The following SORCS1 variants were observed in gnomAD, a reference collection of about 807,000 sequenced individuals.
SORCS1 encodes sortilin related VPS10 domain containing receptor 1.
SORCS1 carries 60 observed loss-of-function variants against 146.1 expected under a neutral mutation model. The observed-to-expected ratio is 0.41, with a 90% CI of 0.33 to 0.51. SORCS1 has a LOEUF of 0.51. SORCS1 is among the 20% of genes least tolerant of loss of function. SORCS1 has a pLI of 0.21. For synonymous variants in SORCS1, 637 were observed against 584.0 expected (o/e 1.09, Z -1.31); for missense variants, 1,352 against 1,487.6 (o/e 0.91, Z 1.50).
chr10:106,948,500 C>T (rs1308060466), intron 2 of SORCS1, among the ~76,000 whole-genome samples: 1 of 151,714 alleles, frequency 6.6e-6, no homozygotes, highest in African/African-American at 2.4e-5. Flanking sequence ...AGGTGAGGCC[C>T]CATCTCTACA....
At chr10:106,593,458 T>C (rs1172240306) in intron 24 of SORCS1, among the ~76,000 whole-genome samples, 1 of 152,204 alleles carries the variant, frequency 6.6e-6, no homozygotes, top group African/African-American at 2.4e-5. Context: ...CCGCCAGCTC[T>C]AATGCGTTAT....
chr10:107,089,214 G>C (rs1371176828), intron 1 of SORCS1, among the ~76,000 whole-genome samples: 1 of 151,856 alleles, frequency 6.6e-6, no homozygotes, highest in African/African-American at 2.4e-5. Flanking sequence ...TGGCGTCTTT[G>C]TTAAGGCAAA....
At chr10:106,890,513 A>T (rs1334365827) in intron 2 of SORCS1, among the ~76,000 whole-genome samples, 1 of 152,230 alleles carries the variant, frequency 6.6e-6, no homozygotes, top group African/African-American at 2.4e-5. Context: ...GCTAGCGATG[A>T]GTATGTAAAA....
intron 1 of SORCS1, among the ~76,000 whole-genome samples, chr10:107,097,868 C>T (rs577963874): frequency 6.6e-6 from 1 of 152,268 alleles, no homozygotes; most frequent in African/African-American, 2.4e-5. Flanking sequence ...CATCTCTTTT[C>T]TGCCAGAATC....
chr10:106,630,077 A>C (rs1333697528), intron 18 of SORCS1, among the ~76,000 whole-genome samples: 3 of 151,772 alleles, frequency 2.0e-5, no homozygotes, highest in Admixed American at 6.6e-5. Context: ...AAAACCCAAA[A>C]ATTTTAGCCT....
chr10:106,728,397 G>A (rs1367781624), intron 6 of SORCS1, among the ~76,000 whole-genome samples: 3 of 152,284 alleles, frequency 2.0e-5, no homozygotes, highest in East Asian at 3.9e-4. Context: ...CCACCAGAGC[G>A]AGCCCCCTGA....
rs547931275 is a variant in SORCS1, at chr10:106,778,990, T to C, written c.727-2298A>G. The stretch of plus-strand genomic sequence containing the variant: ...TTTTGATACCCATTTATGCTCCACG[T>C]GATCAGACTGCATAAGACATCCTGT... On this transcript the variant is annotated intron_variant, in intron 3 of 25. Transcript: ENST00000263054. Among the ~76,000 whole-genome samples the C allele has an allele frequency of 1.4e-3, 211 of 152,208 alleles. 2 individuals are homozygous for C. Among genetic ancestry groups the C allele is most frequent in the Non-Finnish European group, 2.8e-3 (188 of 68,034 alleles).
At chr10:106,789,214 G>A (rs1449795605) in intron 3 of SORCS1, among the ~76,000 whole-genome samples, 1 of 152,106 alleles carries the variant, frequency 6.6e-6, no homozygotes, top group Non-Finnish European at 1.5e-5. Context: ...TCCCTCCTAT[G>A]CCTCCAAGTC....
At chr10:106,982,523 TA>T (rs1956281299) in intron 1 of SORCS1, among the ~76,000 whole-genome samples, 1 of 151,828 alleles carries the variant, frequency 6.6e-6, no homozygotes, top group Non-Finnish European at 1.5e-5. Context: ...TAAGGGGGAG[TA>T]GGGGGCACAT....
chr10:106,851,303 C>A (rs952383205), intron 2 of SORCS1, among the ~76,000 whole-genome samples: 2 of 152,156 alleles, frequency 1.3e-5, no homozygotes, highest in Non-Finnish European at 2.9e-5. Context: ...TCCTAGTTAT[C>A]TTCAGGAGTT....
At chr10:106,620,132 GT>G (rs1385550086) in intron 20 of SORCS1, 2 of 229,520 alleles carry the variant, frequency 8.7e-6, no homozygotes, top group African/African-American at 4.5e-5. Context: ...AGGAAATAGA[GT>G]TTAATTTCTC....
intron 20 of SORCS1, 21 bp from the exon 21 acceptor site, chr10:106,618,293 G>C: frequency 6.2e-7 from 1 of 1,612,268 alleles, no homozygotes; most frequent in South Asian, 1.1e-5. Context: ...CAAGGGCCCA[G>C]AGTGAAGGGA....
chr10:106,961,980 A>T (rs1242073337), intron 1 of SORCS1, among the ~76,000 whole-genome samples: 5 of 152,050 alleles, frequency 3.3e-5, no homozygotes, highest in African/African-American at 1.2e-4. Context: ...GAAGTCAAGA[A>T]CCCTCCCAAG....
At chr10:107,052,206 G>A (rs1187199494) in intron 1 of SORCS1, among the ~76,000 whole-genome samples, 1 of 152,092 alleles carries the variant, frequency 6.6e-6, no homozygotes, top group African/African-American at 2.4e-5. Context: ...AGGCCTGCTG[G>A]CTACTTACGA....
At chr10:107,062,548 C>T (rs1042288436) in intron 1 of SORCS1, among the ~76,000 whole-genome samples, 1 of 152,008 alleles carries the variant, frequency 6.6e-6, no homozygotes, top group African/African-American at 2.4e-5. Context: ...CTTGATCACC[C>T]ATCTACCATA....
In SORCS1 at chr10:106,864,185, T is replaced by G. The variant is rs189667481; in HGVS notation, c.627-34512A>C. On this transcript the variant is annotated intron_variant, in intron 2 of 25. Coordinates refer to ENST00000263054, the MANE Select transcript of SORCS1 (RefSeq NM_052918.5). ...AATGAAAGTAGTGAGTAAATACATA[T>G]TCAACTGAAACAACCAGGTGCTCAC... Among the ~76,000 whole-genome samples the G allele has an allele frequency of 1.8e-3, 274 of 152,258 alleles. 3 individuals are homozygous for G. Among genetic ancestry groups the G allele is most frequent in the African/African-American group, 3.7e-3 (155 of 41,546 alleles).
Position 106,601,031 on chromosome 10 carries a change from C to T in SORCS1, c.3166-3581G>A, listed in dbSNP as rs55825075. ...TACAGGAGTGGGGATTTCCTAACAC[C>T]ATCCTCAGAGGGGCCACTTTCTGTT... On this transcript the variant is annotated intron_variant, in intron 23 of 25. Coordinates refer to ENST00000263054, the MANE Select transcript of SORCS1 (RefSeq NM_052918.5). Among the ~76,000 whole-genome samples, 576 of 152,248 alleles carry T rather than the reference C, an allele frequency of 3.8e-3. 4 individuals carry two copies. The highest frequency in any genetic ancestry group is 0.013 in the African/African-American group (540 of 41,546).
At position 106,679,690 on chromosome 10, in the gene SORCS1, G is replaced by A. The variant is rs1852295171; in HGVS notation, c.1605C>T (p.Pro535=). The A allele has an allele frequency of 6.2e-7, 1 of 1,612,548 alleles. No homozygotes were observed. The highest frequency in any genetic ancestry group is 8.5e-7 in the Non-Finnish European group (1 of 1,179,236). Residue 535 remains proline, a synonymous_variant, in exon 11 of 26, where the codon CCC becomes CCT. Coordinates refer to ENST00000263054, the MANE Select transcript of SORCS1 (RefSeq NM_052918.5). The part of the protein sequence containing the change: ...LHLHLKVSEN[P]YTSGIIASKD... The stretch of plus-strand genomic sequence containing the variant: ...TGCTGGCAATGATCCCTGATGTGTA[G>A]GGATTCTCAGAGACCTTCAGGTGAA...
chr10:106,864,586 G>T (rs1390272576), intron 2 of SORCS1, among the ~76,000 whole-genome samples: 1 of 152,148 alleles, frequency 6.6e-6, no homozygotes, highest in Non-Finnish European at 1.5e-5. Context: ...TACACCCTCA[G>T]GAAAAGGCTG....
Sources: gnomAD v4.1 joint callset for allele counts (sites outside exome capture counted in the v4.1 genomes callset) on GRCh38, gnomAD v4.1.1 for gene constraint, MANE v1.5 for transcripts, NCBI Gene and HGNC (gene_info 2026-07-23, HGNC 2026-07-21) for gene names.